The following LCLAT1 variants were observed in gnomAD, a reference collection of about 807,000 sequenced individuals.
LCLAT1 encodes the protein 1-AGP acyltransferase 8.
Under a neutral mutation model 30.7 loss-of-function variants are expected in LCLAT1, and 11 were observed. The ratio of observed to expected loss-of-function variants is 0.36; its 90% CI spans 0.23 to 0.59. LCLAT1 has a LOEUF of 0.59. Ranked by LOEUF, LCLAT1 falls within the 20% of genes least tolerant of loss-of-function variation. LCLAT1 has a pLI of 0.77. For synonymous variants in LCLAT1, 155 were observed against 151.3 expected, an observed-to-expected ratio of 1.02 and a Z score of -0.18; for missense variants, 402 against 458.6, an observed-to-expected ratio of 0.88 and a Z score of 1.13.
chr2:30,533,018 C>A, intron 2 of LCLAT1, 98 bp from the exon 3 acceptor site: 1 of 861,504 alleles, frequency 1.2e-6, no homozygotes, highest in Non-Finnish European at 1.9e-6. Context: ...CTAACTTTTA[C>A]ATGTTAGAAA....
intron 1 of LCLAT1, among the ~76,000 whole-genome samples, chr2:30,499,929 GTTAC>G (rs1684291867): frequency 6.6e-6 from 1 of 152,078 alleles, no homozygotes; most frequent in Non-Finnish European, 1.5e-5. Context: ...TTCTCCATCT[GTTAC>G]TTACTTTGAT....
intron 4 of LCLAT1, among the ~76,000 whole-genome samples, chr2:30,564,352 A>G (rs1314864906): frequency 6.6e-6 from 1 of 152,154 alleles, no homozygotes. Context: ...GAAAGGTCAT[A>G]TGTTACTGCT....
chr2:30,536,696 C>CT (rs1558504399), intron 3 of LCLAT1, among the ~76,000 whole-genome samples: 1 of 151,998 alleles, frequency 6.6e-6, no homozygotes, highest in Non-Finnish European at 1.5e-5. Context: ...ATAAAACATA[C>CT]TAATAGAACA....
At chr2:30,450,071 C>T (rs1404985868) in intron 1 of LCLAT1, among the ~76,000 whole-genome samples, 2 of 152,166 alleles carry the variant, frequency 1.3e-5, no homozygotes, top group African/African-American at 4.8e-5. Flanking sequence ...ACTCCTGACC[C>T]TACCCTTGAG....
chr2:30,545,055 A>G (rs1664334791), intron 3 of LCLAT1, among the ~76,000 whole-genome samples: 2 of 152,168 alleles, frequency 1.3e-5, no homozygotes, highest in Non-Finnish European at 2.9e-5. Context: ...TTTCATGAAA[A>G]TGCAAACTAC....
intron 5 of LCLAT1, among the ~76,000 whole-genome samples, chr2:30,587,811 A>C (rs1045285376): frequency 1.3e-5 from 2 of 152,026 alleles, no homozygotes; most frequent in African/African-American, 2.4e-5. Flanking sequence ...GTTGAACTCT[A>C]TTGGAAGTAG....
In LCLAT1 at chr2:30,562,262, C is replaced by G. The variant is rs1481359316; in HGVS notation, c.481C>G (p.Leu161Val). Residue 161 changes from leucine (L) to valine (V), a missense_variant, in exon 4 of 6, where the codon CTC becomes GTC. Transcript: ENST00000379509. ...FCDIHEPLQL[L>V]IFPEGTDLTE... ...TGATATTCACGAACCACTTCAACTCCTCATATTCCCAGAAGGGACTGATCT... is the reference window on the plus strand; with the variant it reads ...TGATATTCACGAACCACTTCAACTCGTCATATTCCCAGAAGGGACTGATCT... The G allele has an allele frequency of 6.2e-7, 1 of 1,611,962 alleles. No homozygotes were observed. Among genetic ancestry groups the G allele is most frequent in the Non-Finnish European group, 8.5e-7 (1 of 1,178,614 alleles).
intron 1 of LCLAT1, among the ~76,000 whole-genome samples, chr2:30,505,835 T>C (rs1281869548): frequency 6.6e-6 from 1 of 152,206 alleles, no homozygotes; most frequent in Non-Finnish European, 1.5e-5. Flanking sequence ...AAGATAATTA[T>C]ATCAGGGTTT....
chr2:30,615,389 A>G (rs1275943034), intron 5 of LCLAT1, among the ~76,000 whole-genome samples: 1 of 152,186 alleles, frequency 6.6e-6, no homozygotes, highest in African/African-American at 2.4e-5. Flanking sequence ...TGATTTTCTC[A>G]GTGAAATAGG....
At chr2:30,628,727 A>G (rs1306718982) in intron 5 of LCLAT1, among the ~76,000 whole-genome samples, 1 of 152,220 alleles carries the variant, frequency 6.6e-6, no homozygotes, top group Admixed American at 6.5e-5. Context: ...AGAAACGAGG[A>G]GTTGTTTTGC....
chr2:30,448,431 T>C (rs1376668780), intron 1 of LCLAT1, among the ~76,000 whole-genome samples: 2 of 152,238 alleles, frequency 1.3e-5, no homozygotes, highest in African/African-American at 4.8e-5. Flanking sequence ...TACTTTGATA[T>C]GCTTGATATG....
chr2:30,556,944 A>T (rs901977525), intron 3 of LCLAT1, among the ~76,000 whole-genome samples: 2 of 151,940 alleles, frequency 1.3e-5, no homozygotes, highest in Non-Finnish European at 2.9e-5. Flanking sequence ...GGGTTTCTCC[A>T]TATTGTTCAG....
At chr2:30,597,471 T>G (rs1461555760) in intron 5 of LCLAT1, among the ~76,000 whole-genome samples, 1 of 152,186 alleles carries the variant, frequency 6.6e-6, no homozygotes, top group Non-Finnish European at 1.5e-5. Flanking sequence ...TAGGAATGCT[T>G]GTGACTTTTG....
intron 5 of LCLAT1, among the ~76,000 whole-genome samples, chr2:30,626,635 T>C (rs1281670572): frequency 6.6e-6 from 1 of 152,164 alleles, no homozygotes; most frequent in Non-Finnish European, 1.5e-5. Flanking sequence ...TTTTATTATA[T>C]TAAGTACTGC....
chr2:30,509,448 C>A (rs1684829429), intron 1 of LCLAT1, among the ~76,000 whole-genome samples: 1 of 152,102 alleles, frequency 6.6e-6, no homozygotes, highest in African/African-American at 2.4e-5. Flanking sequence ...CTTAAAAGCC[C>A]AGTTATTGAG....
At chr2:30,622,676 G>A (rs1472326301) in intron 5 of LCLAT1, among the ~76,000 whole-genome samples, 2 of 152,256 alleles carry the variant, frequency 1.3e-5, no homozygotes, top group South Asian at 2.1e-4. Flanking sequence ...TGGTAGCTCC[G>A]CTGGTTGGCT....
chr2:30,586,173 G>A (rs1666426397), intron 5 of LCLAT1, among the ~76,000 whole-genome samples: 1 of 151,302 alleles, frequency 6.6e-6, no homozygotes, highest in East Asian at 1.9e-4. Flanking sequence ...CAACCCGGGA[G>A]GCGGAGCTTG....
At chr2:30,503,644 G>A (rs1290116891) in intron 1 of LCLAT1, among the ~76,000 whole-genome samples, 1 of 152,116 alleles carries the variant, frequency 6.6e-6, no homozygotes, top group African/African-American at 2.4e-5. Flanking sequence ...TAGTGTACTT[G>A]CTGTTTGAGA....
chr2:30,639,864 ACTG>A (rs1669212538), intron 5 of LCLAT1, among the ~76,000 whole-genome samples: 2 of 152,256 alleles, frequency 1.3e-5, no homozygotes, highest in Non-Finnish European at 2.9e-5. Context: ...ATGGCAGATT[ACTG>A]TTTCTGCAAA....
Sources: gnomAD v4.1 joint callset for allele counts (sites outside exome capture counted in the v4.1 genomes callset) on GRCh38, gnomAD v4.1.1 for gene constraint, MANE v1.5 for transcripts, NCBI Gene and HGNC (gene_info 2026-07-23, HGNC 2026-07-21) for gene names.